Variants in AASDH observed in about 807,000 individuals in gnomAD.
AASDH encodes the protein beta-alanine-activating enzyme.
AASDH carries 81 observed loss-of-function variants against 102.3 expected under a neutral mutation model. That is an observed-to-expected ratio of 0.79 (90% CI 0.66 to 0.95). The LOEUF (loss-of-function observed/expected upper bound fraction) is 0.95. Among genes scored for constraint, AASDH ranks in the 40% least tolerant of loss-of-function variants. AASDH has a pLI of 0.00. For missense variants in AASDH, 1,203 were observed against 1,266.2 expected (o/e 0.95, Z 0.76); for synonymous variants, 398 against 454.0 (o/e 0.88, Z 1.57).
In AASDH at chr4:56,345,147, C is replaced by A. The variant is rs376136482; in HGVS notation, c.2632G>T (p.Ala878Ser). ...CTTACATAAATATCTAAAGCATATG[C>A]GTGCTGGTCATGAGATCCAATGTAA... ...LIYIGSHDQH[A>S]YALDIYRKKC... is the part of the protein sequence containing the mutation. The change falls in exon 12 of 15, where the codon GCA becomes TCA. Residue 878 changes from alanine (A) to serine (S), a missense_variant. Physicochemically the swap from Ala to Ser is moderately conservative, Grantham distance 99 (BLOSUM62 1). Transcript: ENST00000205214. 3 of 1,613,908 alleles carry A rather than the reference C, an allele frequency of 1.9e-6. No homozygotes were observed. Among genetic ancestry groups the A allele is most frequent in the South Asian group, 1.1e-5 (1 of 91,070 alleles).
In AASDH at chr4:56,371,514, G is replaced by A; in HGVS notation, c.798C>T (p.Val266=). 6.2e-7 allele frequency: 1 copy of A among 1,613,294 alleles called. No individual in the cohort carries two copies. The highest frequency in any genetic ancestry group is 8.5e-7 in the Non-Finnish European group (1 of 1,179,932). Residue 266 remains valine (V), a synonymous_variant, in exon 5 of 15, where the codon GTC becomes GTT. Transcript: ENST00000205214. ...GASLLIVPTS[V]KLLPSKLASV... ...TGGCTAATTTTGATGGGAGCAACTT[G>A]ACGGAAGTTGGTACAATAAGCAGAG...
intron 7 of AASDH, among the ~76,000 whole-genome samples, chr4:56,354,495 C>T (rs558165515): frequency 2.6e-5 from 4 of 152,048 alleles, no homozygotes; most frequent in Non-Finnish European, 4.4e-5. Context: ...GTCCAAGTTA[C>T]AGTCTCTAAA....
chr4:56,355,600 T>C (rs1257471480), intron 5 of AASDH, among the ~76,000 whole-genome samples, 177 bp from the exon 6 acceptor site: 1 of 149,722 alleles, frequency 6.7e-6, no homozygotes, highest in Non-Finnish European at 1.5e-5. Flanking sequence ...CTTGTTTTTT[T>C]TTTTTTTTTT....
chr4:56,383,039 A>G (rs966503170), intron 2 of AASDH, among the ~76,000 whole-genome samples: 1 of 152,266 alleles, frequency 6.6e-6, no homozygotes, highest in Non-Finnish European at 1.5e-5. Flanking sequence ...CCTGGGCAAT[A>G]AGAGTGAAAC....
At chr4:56,375,964 T>G (rs1407406411) in intron 4 of AASDH, among the ~76,000 whole-genome samples, 1 of 151,828 alleles carries the variant, frequency 6.6e-6, no homozygotes, top group African/African-American at 2.4e-5. Flanking sequence ...ACTAATTCAT[T>G]ATTTAAACCA....
intron 4 of AASDH, among the ~76,000 whole-genome samples, chr4:56,377,383 G>A (rs1752484738): frequency 6.6e-6 from 1 of 152,158 alleles, no homozygotes; most frequent in Admixed American, 6.6e-5. Context: ...TACTACAAGA[G>A]TGAACTTAAC....
Position 56,338,707 on chromosome 4 carries a change from C to G in AASDH, c.2992G>C (p.Asp998His), listed in dbSNP as rs1358782905. 1 of 1,614,122 alleles carries G rather than the reference C, an allele frequency of 6.2e-7. No homozygotes were observed. The highest frequency in any genetic ancestry group is 1.1e-5 in the South Asian group (1 of 91,066). Residue 998 changes from aspartate to histidine, a missense_variant, in exon 15 of 15, where the codon GAT becomes CAT. Transcript: ENST00000205214. ...ATGTTACAACAGTAGATAAAGCAAT[C>G]ATGGGAACCAAAAAATATTTTTTGC... The part of the protein sequence containing the change: ...SEQKIFFGSH[D>H]CFIYCCNMKG...
At chr4:56,373,874 T>A (rs918527042) in intron 4 of AASDH, among the ~76,000 whole-genome samples, 2 of 152,032 alleles carry the variant, frequency 1.3e-5, no homozygotes, top group Admixed American at 1.3e-4. Flanking sequence ...TTAAGATGCA[T>A]TCAATATAAG....
At position 56,384,326 on chromosome 4, in the gene AASDH, T is replaced by C. The variant is rs1256943784; in HGVS notation, c.-27A>G. The C allele has an allele frequency of 1.9e-6, 3 of 1,601,502 alleles. No individual in the cohort carries two copies. The highest frequency in any genetic ancestry group is 2.6e-6 in the Non-Finnish European group (3 of 1,169,134). On this transcript the variant is annotated 5_prime_UTR_variant, in exon 2 of 15. Coordinates refer to ENST00000205214, the MANE Select transcript of AASDH (RefSeq NM_181806.4). ...TCACTGAAGTTTATCTAAACATCAATTTGTAGCACAGAACCCTGTGTATAT... is the reference window on the plus strand; with the variant it reads ...TCACTGAAGTTTATCTAAACATCAACTTGTAGCACAGAACCCTGTGTATAT...
Position 56,387,482 on chromosome 4 carries a change from C to T in AASDH, c.-163G>A, listed in dbSNP as rs1225270729. 1 of 152,238 alleles carries T rather than the reference C, an allele frequency of 6.6e-6. No individual in the cohort carries two copies. Among genetic ancestry groups the T allele is most frequent in the Non-Finnish European group, 1.5e-5 (1 of 68,060 alleles). 9.4% of individuals were successfully genotyped at this position (152,238 alleles called of 1,614,324 possible). On this transcript the variant is annotated 5_prime_UTR_variant, in exon 1 of 15. Coordinates refer to ENST00000205214, the MANE Select transcript of AASDH (RefSeq NM_181806.4). ...GCCGTAAAGCTATCCCAGAGCGAGG[C>T]ACCATACGTAAATCTTCCGCGTCGC... is the stretch of plus-strand genomic sequence containing the variant.
intron 4 of AASDH, among the ~76,000 whole-genome samples, chr4:56,373,196 G>A (rs1326649785): frequency 6.6e-6 from 1 of 152,180 alleles, no homozygotes; most frequent in South Asian, 2.1e-4. Flanking sequence ...GTGGAGTGCA[G>A]TGGCATGATC....
intron 1 of AASDH, among the ~76,000 whole-genome samples, chr4:56,385,261 T>C (rs1429933251): frequency 6.6e-6 from 1 of 152,220 alleles, no homozygotes; most frequent in Non-Finnish European, 1.5e-5. Context: ...TTTATTACTA[T>C]ACTATTAATA....
intron 9 of AASDH, among the ~76,000 whole-genome samples, chr4:56,352,947 A>C (rs966066633): frequency 2.0e-5 from 3 of 152,198 alleles, no homozygotes; most frequent in Non-Finnish European, 2.9e-5. Context: ...CTGGAGAACC[A>C]TGACTACTAT....
chr4:56,343,699 AC>A lies in AASDH; in HGVS notation c.2653-16del, dbSNP rs751278920. ...CACTTCTTTCTCTGCAAATAAGAAA[AC>A]AAATTAATTTGTTCTTGTTGATGGT... On this transcript the variant is annotated splice_polypyrimidine_tract_variant and intron_variant, in intron 12 of 14. Transcript: ENST00000205214. 13 of 1,600,672 alleles carry A rather than the reference AC, an allele frequency of 8.1e-6. No individual in the cohort carries two copies. The Admixed American group carries it at 2.2e-4, about 27-fold the overall frequency.
At position 56,349,695 on chromosome 4, in the gene AASDH, G is replaced by T. The variant is rs1748756913; in HGVS notation, c.2056C>A (p.Gln686Lys). Residue 686 changes from glutamine (Q) to lysine (K), a missense_variant, in exon 11 of 15, where the codon CAA becomes AAA. Coordinates refer to ENST00000205214, the MANE Select transcript of AASDH (RefSeq NM_181806.4). ...NAFVVLSRGS[Q>K]ILSLNSTRFL... ...CTAGTGGAATTCAGAGACAAAATTTGACTCCCTCTGCTCAGTACAACAAAA... is the reference window on the plus strand; with the variant it reads ...CTAGTGGAATTCAGAGACAAAATTTTACTCCCTCTGCTCAGTACAACAAAA... 2.5e-6 allele frequency: 4 copies of T among 1,614,138 alleles called. No homozygotes were observed.
At chr4:56,366,686 ACT>A (rs1476734426) in intron 5 of AASDH, among the ~76,000 whole-genome samples, 1 of 151,122 alleles carries the variant, frequency 6.6e-6, no homozygotes, top group African/African-American at 2.4e-5. Flanking sequence ...CATGCTAAAA[ACT>A]CTCAATAAAT....
intron 5 of AASDH, among the ~76,000 whole-genome samples, chr4:56,365,279 C>T (rs1412383487): frequency 6.6e-6 from 1 of 152,062 alleles, no homozygotes; most frequent in East Asian, 1.9e-4. Context: ...GGGAGACTTT[C>T]ACACCCCACT....
intron 2 of AASDH, among the ~76,000 whole-genome samples, chr4:56,382,845 G>C (rs1399941091): frequency 2.0e-5 from 3 of 152,168 alleles, no homozygotes; most frequent in Non-Finnish European, 4.4e-5. Flanking sequence ...TGAGGCGAGC[G>C]AATCACCTGA....
At chr4:56,377,213 G>A (rs533983790) in intron 4 of AASDH, among the ~76,000 whole-genome samples, 2 of 151,572 alleles carry the variant, frequency 1.3e-5, no homozygotes, top group Admixed American at 6.6e-5. Context: ...ATAAAATTAC[G>A]TACATGTTTC....
Sources: gnomAD v4.1 joint callset for allele counts (sites outside exome capture counted in the v4.1 genomes callset) on GRCh38, gnomAD v4.1.1 for gene constraint, MANE v1.5 for transcripts, NCBI Gene and HGNC (gene_info 2026-07-23, HGNC 2026-07-21) for gene names.